CFAP54: variants seen among roughly 807,000 people sequenced by gnomAD.
CFAP54 encodes cilia- and flagella-associated protein 54.
Under a neutral mutation model 370.4 loss-of-function variants are expected in CFAP54, and 290 were observed. The ratio of observed to expected loss-of-function variants is 0.78; its 90% CI spans 0.71 to 0.86. The LOEUF is 0.86. Among genes scored for constraint, CFAP54 ranks in the 40% least tolerant of loss-of-function variants. The pLI, the probability that CFAP54 is intolerant of heterozygous loss-of-function variation, is 0.00. For missense variants in CFAP54, 3,399 were observed against 3,528.7 expected (o/e 0.96, Z 0.93); for synonymous variants, 1,206 against 1,236.5 (o/e 0.98, Z 0.52).
rs543356224 is a variant in CFAP54 at position 96,665,218 on chromosome 12, C to G, written c.5563+1286C>G. Among the ~76,000 whole-genome samples the G allele has an allele frequency of 2.2e-3, 337 of 151,544 alleles. 1 individual carries two copies. Among genetic ancestry groups the G allele is most frequent in the African/African-American group, 7.7e-3 (319 of 41,268 alleles). On this transcript the variant is annotated intron_variant, in intron 39 of 67. Coordinates refer to ENST00000524981, the MANE Select transcript of CFAP54 (RefSeq NM_001306084.2). ...TTCCTTATAGATGCTGGATATTAGA[C>G]CTTTGTTGGATGCATAGTTTGGAAA...
chr12:96,712,239 T>C (rs1315786739), intron 48 of CFAP54, among the ~76,000 whole-genome samples: 8 of 152,148 alleles, frequency 5.3e-5, no homozygotes, highest in Non-Finnish European at 1.5e-5. Context: ...CTCTTTTGCC[T>C]GAGATGTTAT....
In CFAP54 at chr12:96,580,926, G is replaced by T; in HGVS notation, c.2896G>T (p.Ala966Ser). The T allele has an allele frequency of 6.7e-7, 1 of 1,496,308 alleles. No individual in the cohort carries two copies. Among genetic ancestry groups the T allele is most frequent in the East Asian group, 2.5e-5 (1 of 39,578 alleles). The allele number at this position is 1,496,308 out of a possible 1,614,324, so 92.7% of individuals were successfully genotyped here. ...HLPNSGEAIPADGKSVFEVKG... is the reference protein window; with the variant it reads ...HLPNSGEAIPSDGKSVFEVKG... ...AATATATTTTTCTTAATAGATACCA[G>T]CTGACGGTAAAAGTGTTTTTGAAGT... The change falls in exon 22 of 68, where the codon GCT becomes TCT. Residue 966 changes from alanine (A) to serine (S), a missense_variant. Around this residue, in one of 3 missense-constraint regions of CFAP54, gnomAD observed 2,796 missense variants for 2,869.7 expected, o/e 0.97. Transcript: ENST00000524981.
In CFAP54 at chr12:96,625,710, A is replaced by T. The variant is rs1055008262; in HGVS notation, c.3887-8A>T. On this transcript the variant is annotated splice_polypyrimidine_tract_variant and splice_region_variant and intron_variant, in intron 28 of 67. Coordinates refer to ENST00000524981, the MANE Select transcript of CFAP54 (RefSeq NM_001306084.2). ...AGAACATACAACTTTTGAATTTTTT[A>T]ACCTTAGATGTTACATCTGAACTCT... 2.0e-6 allele frequency: 3 copies of T among 1,519,832 alleles called. No individual in the cohort carries two copies. Among genetic ancestry groups the T allele is most frequent in the African/African-American group, 2.8e-5 (2 of 72,336 alleles). The allele number at this position is 1,519,832 out of a possible 1,614,324, so 94.1% of individuals were successfully genotyped here. A position where few individuals can be genotyped will look rare whatever the true frequency, so the allele number is the denominator to read the frequency against.
chr12:96,585,245 C>T (rs1486945535), intron 22 of CFAP54, among the ~76,000 whole-genome samples: 1 of 152,118 alleles, frequency 6.6e-6, no homozygotes, highest in African/African-American at 2.4e-5. Context: ...ACTGCAACCT[C>T]CACCTCCCGT....
At chr12:96,538,238 T>C in intron 12 of CFAP54, 146 bp from the exon 13 acceptor site, 1 of 677,828 alleles carries the variant, frequency 1.5e-6, no homozygotes, top group Non-Finnish European at 2.4e-6. Context: ...GGGAGGATCA[T>C]ACTAGGACTC....
Position 96,634,573 on chromosome 12 carries a change from T to G in CFAP54, c.4316+3922T>G, listed in dbSNP as rs150545665. 4.7e-3 allele frequency among the ~76,000 whole-genome samples: 714 copies of G among 152,340 alleles called. 4 individuals carry two copies. Among genetic ancestry groups the G allele is most frequent in the African/African-American group, 0.016 (677 of 41,582 alleles). Reference sequence around the variant, plus strand: ...CTTCTCATCCTCTTCACAGATTCTTTTGCAGAGCACAATTTTTAAATCTTG... The same window carrying G: ...CTTCTCATCCTCTTCACAGATTCTTGTGCAGAGCACAATTTTTAAATCTTG... On this transcript the variant is annotated intron_variant, in intron 32 of 67. Coordinates refer to ENST00000524981, the MANE Select transcript of CFAP54 (RefSeq NM_001306084.2).
intron 26 of CFAP54, among the ~76,000 whole-genome samples, chr12:96,619,087 C>T (rs941501624): frequency 2.6e-5 from 4 of 152,130 alleles, no homozygotes; most frequent in African/African-American, 9.7e-5. Context: ...TGGTCTTGAA[C>T]TCCTGAGCTC....
chr12:96,576,800 A>G (rs1030198800), intron 20 of CFAP54, 39 bp downstream of exon 20: 30 of 1,453,700 alleles, frequency 2.1e-5, no homozygotes, highest in Non-Finnish European at 2.8e-5. Flanking sequence ...ATGCAAAGCA[A>G]CATAAGTACT....
At chr12:96,839,803 A>G (rs1030768954) in intron 66 of CFAP54, among the ~76,000 whole-genome samples, 5 of 152,248 alleles carry the variant, frequency 3.3e-5, no homozygotes, top group East Asian at 1.9e-4. Flanking sequence ...GTTGTCAGCC[A>G]TCAGCTGTTG....
intron 6 of CFAP54, among the ~76,000 whole-genome samples, chr12:96,521,560 A>G (rs935521293): frequency 3.3e-5 from 5 of 151,058 alleles, no homozygotes; most frequent in African/African-American, 1.2e-4. Flanking sequence ...GCGTGCGCAC[A>G]TGAGGACGTG....
chr12:96,695,709 A>G (rs1957434094), intron 45 of CFAP54, among the ~76,000 whole-genome samples: 1 of 152,226 alleles, frequency 6.6e-6, no homozygotes, highest in Non-Finnish European at 1.5e-5. Flanking sequence ...TAACTATTGA[A>G]TTTAAAATCT....
intron 35 of CFAP54, among the ~76,000 whole-genome samples, chr12:96,650,874 G>A (rs1356801834): frequency 2.0e-5 from 3 of 152,142 alleles, no homozygotes; most frequent in African/African-American, 7.2e-5. Context: ...CTGGTCCTGA[G>A]CACCTTGCAG....
chr12:96,807,160 GA>G (rs1223847546), intron 63 of CFAP54, among the ~76,000 whole-genome samples: 2 of 152,080 alleles, frequency 1.3e-5, no homozygotes, highest in Non-Finnish European at 2.9e-5. Flanking sequence ...AAGAAACTAA[GA>G]GAACATCTAT....
intron 14 of CFAP54, among the ~76,000 whole-genome samples, chr12:96,546,876 A>G (rs1955646306): frequency 1.3e-5 from 2 of 152,056 alleles, no homozygotes; most frequent in Non-Finnish European, 2.9e-5. Flanking sequence ...TGTTTTATTT[A>G]CTAGTTACTG....
chr12:96,535,955 A>G (rs1333877357), intron 12 of CFAP54, among the ~76,000 whole-genome samples: 1 of 152,240 alleles, frequency 6.6e-6, no homozygotes, highest in African/African-American at 2.4e-5. Flanking sequence ...AATGGCCAGT[A>G]TTTTAAAATG....
At chr12:96,679,343 C>A (rs182315261) in intron 39 of CFAP54, among the ~76,000 whole-genome samples, 10 of 150,372 alleles carry the variant, frequency 6.7e-5, no homozygotes, top group Admixed American at 6.6e-4. Flanking sequence ...GGAAAATTGG[C>A]AAGATCTAAA....
intron 65 of CFAP54, among the ~76,000 whole-genome samples, chr12:96,823,991 G>T (rs1592786552): frequency 6.6e-6 from 1 of 152,282 alleles, no homozygotes; most frequent in Non-Finnish European, 1.5e-5. Flanking sequence ...GGAAAATGAT[G>T]ATTTCAACCA....
intron 60 of CFAP54, among the ~76,000 whole-genome samples, chr12:96,776,205 A>G (rs1437338013): frequency 2.6e-5 from 4 of 152,100 alleles, no homozygotes; most frequent in Non-Finnish European, 5.9e-5. Context: ...AATGATGTTA[A>G]GAAATTAAAT....
At chr12:96,699,595 T>C (rs1957470403) in intron 45 of CFAP54, among the ~76,000 whole-genome samples, 1 of 152,206 alleles carries the variant, frequency 6.6e-6, no homozygotes, top group African/African-American at 2.4e-5. Context: ...ATTAGGAGTG[T>C]TTTTGTTTTG....
Sources: allele counts gnomAD v4.1 joint callset (sites outside exome capture counted in the v4.1 genomes callset), GRCh38; gene constraint gnomAD v4.1.1; regional missense constraint gnomAD v4.1.1; transcripts MANE v1.5; gene names NCBI Gene and HGNC (gene_info 2026-07-23, HGNC 2026-07-21).